The following NEGR1 variants were observed in gnomAD, a reference collection of about 807,000 sequenced individuals.
NEGR1 encodes the protein IgLON family member 4.
A neutral mutation model predicts 40.9 loss-of-function variants in NEGR1; 10 were observed. The ratio of observed to expected loss-of-function variants is 0.24; its 90% CI spans 0.15 to 0.42. The LOEUF (loss-of-function observed/expected upper bound fraction) is 0.42, where lower values mean the gene tolerates loss of function less well. Ranked by LOEUF, NEGR1 falls within the 10% of genes least tolerant of loss-of-function variation. NEGR1 has a pLI of 1.00. For synonymous variants in NEGR1, 185 were observed against 166.8 expected (o/e 1.11, Z -0.84); for missense variants, 352 against 438.9 (o/e 0.80, Z 1.77).
At chr1:72,107,749 T>A (rs1486094) in intron 1 of NEGR1, among the ~76,000 whole-genome samples, 69,979 of 150,778 alleles carry the variant, frequency 0.46, 16,396 homozygotes, top group Non-Finnish European at 0.51. Context: ...TATGTATGTG[T>A]ATATATGTAC....
intron 2 of NEGR1, among the ~76,000 whole-genome samples, chr1:71,854,746 G>A (rs1316287186): frequency 6.6e-6 from 1 of 152,016 alleles, no homozygotes; most frequent in African/African-American, 2.4e-5. Flanking sequence ...GCAAAGGGGG[G>A]AAAGTCCCTT....
chr1:71,684,741 CA>C (rs1181519545), intron 4 of NEGR1, among the ~76,000 whole-genome samples: 14 of 152,076 alleles, frequency 9.2e-5, no homozygotes, highest in Non-Finnish European at 1.6e-4. Flanking sequence ...TGTTTAGAAC[CA>C]TCCTTCTCAG....
chr1:72,199,757 G>A (rs767453352), intron 1 of NEGR1, among the ~76,000 whole-genome samples: 4 of 151,810 alleles, frequency 2.6e-5, no homozygotes, highest in Non-Finnish European at 5.9e-5. Flanking sequence ...AACATAAAAT[G>A]TTCATTAAAA....
intron 1 of NEGR1, among the ~76,000 whole-genome samples, chr1:72,088,710 C>A (rs1446573516): frequency 2.0e-5 from 3 of 151,598 alleles, no homozygotes; most frequent in Non-Finnish European, 4.4e-5. Context: ...AAGACACTGA[C>A]CCTAAGGAGA....
intron 1 of NEGR1, among the ~76,000 whole-genome samples, chr1:72,153,782 A>T (rs1261359798): frequency 6.6e-6 from 1 of 151,968 alleles, no homozygotes; most frequent in Non-Finnish European, 1.5e-5. Flanking sequence ...ACTGAAGTAG[A>T]CTAAGAAGAA....
At position 72,127,970 on chromosome 1, in the gene NEGR1, G is replaced by A. The variant is rs553839703; in HGVS notation, c.176+154349C>T. Reference sequence around the variant, plus strand: ...AGAATAATATTGTAGGAAGAAAGAAGATATGAGAATACACAGTCTATCAGT... The same window carrying A: ...AGAATAATATTGTAGGAAGAAAGAAAATATGAGAATACACAGTCTATCAGT... On this transcript the variant is annotated intron_variant, in intron 1 of 6. Coordinates refer to ENST00000357731, the MANE Select transcript of NEGR1 (RefSeq NM_173808.3). Among the ~76,000 whole-genome samples the A allele has an allele frequency of 5.3e-5, 8 of 152,236 alleles. No individual in the cohort carries two copies. In the South Asian group the frequency reaches 1.2e-3, roughly 24 times the overall value.
chr1:71,505,162 C>T (rs565709572), intron 6 of NEGR1, among the ~76,000 whole-genome samples: 43 of 152,288 alleles, frequency 2.8e-4, no homozygotes, highest in African/African-American at 6.0e-4. Context: ...ACAAACCATA[C>T]GATAACTCCG....
chr1:71,700,519 A>G (rs1408553939), intron 3 of NEGR1, among the ~76,000 whole-genome samples: 2 of 152,080 alleles, frequency 1.3e-5, no homozygotes, highest in Non-Finnish European at 2.9e-5. Flanking sequence ...TATGGCTGCC[A>G]TAACAAATTA....
chr1:72,011,097 C>A (rs546956294), intron 1 of NEGR1, among the ~76,000 whole-genome samples: 1 of 152,098 alleles, frequency 6.6e-6, no homozygotes, highest in African/African-American at 2.4e-5. Context: ...TTGTTTTTTT[C>A]TCAATTATCT....
intron 6 of NEGR1, among the ~76,000 whole-genome samples, chr1:71,521,949 C>G (rs963444814): frequency 6.6e-6 from 1 of 151,924 alleles, no homozygotes; most frequent in African/African-American, 2.4e-5. Flanking sequence ...TCTTTAAATA[C>G]ATAACATAAA....
At chr1:71,964,061 A>G (rs1279785287) in intron 1 of NEGR1, among the ~76,000 whole-genome samples, 1 of 152,174 alleles carries the variant, frequency 6.6e-6, no homozygotes, top group Admixed American at 6.6e-5. Context: ...AAAGTTCTAC[A>G]AAAGTGACAG....
chr1:72,026,935 GT>G (rs1007454194), intron 1 of NEGR1, among the ~76,000 whole-genome samples: 1 of 151,242 alleles, frequency 6.6e-6, no homozygotes, highest in Non-Finnish European at 1.5e-5. Context: ...TTGTTTTTTG[GT>G]TTTTTTTGAG....
intron 3 of NEGR1, among the ~76,000 whole-genome samples, chr1:71,731,990 A>T (rs535764099): frequency 6.6e-6 from 1 of 152,142 alleles, no homozygotes; most frequent in Non-Finnish European, 1.5e-5. Context: ...TCCAGTTTTC[A>T]TGAGGCATTG....
intron 1 of NEGR1, among the ~76,000 whole-genome samples, chr1:71,986,386 C>A (rs1220070371): frequency 6.6e-6 from 1 of 152,160 alleles, no homozygotes; most frequent in Non-Finnish European, 1.5e-5. Flanking sequence ...TCTTTGAACT[C>A]TGCAACTCAG....
intron 4 of NEGR1, among the ~76,000 whole-genome samples, chr1:71,626,597 C>A (rs1241394781): frequency 1.3e-5 from 2 of 151,828 alleles, no homozygotes; most frequent in Non-Finnish European, 2.9e-5. Context: ...GTCTTCATGT[C>A]TAAAACACCA....
intron 3 of NEGR1, among the ~76,000 whole-genome samples, chr1:71,735,667 T>C (rs1162328408): frequency 6.6e-6 from 1 of 151,906 alleles, no homozygotes; most frequent in African/African-American, 2.4e-5. Context: ...ACATCGTGGG[T>C]ATACATATAA....
In NEGR1 at chr1:71,935,230, T is replaced by G; in HGVS notation, c.258A>C (p.Ser86=). The G allele has an allele frequency of 1.9e-6, 3 of 1,614,012 alleles. No homozygotes were observed. The highest frequency in any genetic ancestry group is 2.5e-6 in the Non-Finnish European group (3 of 1,179,916). Residue 86 remains serine, a synonymous_variant, in exon 2 of 7, where the codon TCA becomes TCC. Transcript: ENST00000357731. ...TTGAAATTGAAACTCGAGGATCCAC[T>G]GACCACTTATCACCTCCCGCAAAAA... The part of the protein sequence containing the change: ...SIIFAGGDKW[S]VDPRVSISTL...
chr1:71,797,377 T>C (rs1657378216), intron 2 of NEGR1, among the ~76,000 whole-genome samples: 1 of 152,112 alleles, frequency 6.6e-6, no homozygotes, highest in East Asian at 1.9e-4. Flanking sequence ...TATTGAGTCA[T>C]GGTAAGAAGA....
chr1:71,920,259 T>A (rs984707847), intron 2 of NEGR1, among the ~76,000 whole-genome samples: 2 of 152,182 alleles, frequency 1.3e-5, no homozygotes, highest in African/African-American at 4.8e-5. Context: ...TCCCCACAGT[T>A]CTTATTCCAT....
Sources: gnomAD v4.1 joint callset for allele counts (sites outside exome capture counted in the v4.1 genomes callset) on GRCh38, gnomAD v4.1.1 for gene constraint, MANE v1.5 for transcripts, NCBI Gene and HGNC (gene_info 2026-07-23, HGNC 2026-07-21) for gene names.